The following B3GNT3 variants were observed in gnomAD, a reference collection of about 807,000 sequenced individuals.
B3GNT3 encodes N-acetyllactosaminide beta-1,3-N-acetylglucosaminyltransferase 3.
A neutral mutation model predicts 11.6 loss-of-function variants in B3GNT3; 7 were observed. The observed-to-expected ratio is 0.60, with a 90% CI of 0.34 to 1.13. The LOEUF is 1.13. Among genes scored for constraint, B3GNT3 ranks in the 50% most tolerant of loss-of-function variants. The pLI is 0.03. For missense variants in B3GNT3, 400 were observed against 507.4 expected, an observed-to-expected ratio of 0.79 and a Z score of 2.03; for synonymous variants, 201 against 222.1, an observed-to-expected ratio of 0.90 and a Z score of 0.85.
At chr19:17,796,700 C>T (rs1450624144) in intron 1 of B3GNT3, among the ~76,000 whole-genome samples, 1 of 152,178 alleles carries the variant, frequency 6.6e-6, no homozygotes, top group African/African-American at 2.4e-5. Context: ...CACTCTCACC[C>T]CTAGGGTGTG....
At chr19:17,810,037 C>A (rs1404422550) in intron 2 of B3GNT3, among the ~76,000 whole-genome samples, 1 of 152,114 alleles carries the variant, frequency 6.6e-6, no homozygotes. Context: ...AGATAGAGGA[C>A]CACTTCTGCC....
In B3GNT3 at chr19:17,812,285, C is replaced by A; in HGVS notation, c.*163C>A. 1.4e-6 allele frequency: 1 copy of A among 694,896 alleles called. No homozygotes were observed. The highest frequency in any genetic ancestry group is 2.3e-6 in the Non-Finnish European group (1 of 426,672). 43.0% of individuals were successfully genotyped at this position (694,896 alleles called of 1,614,324 possible). ...TCTGGCTGGCGAACTCCTACACATC[C>A]TTCAAAACCCACCTGGTACTGTTCC... is the stretch of plus-strand genomic sequence containing the variant. On this transcript the variant is annotated 3_prime_UTR_variant, in exon 3 of 3. Coordinates refer to ENST00000318683, the MANE Select transcript of B3GNT3 (RefSeq NM_014256.4).
intron 2 of B3GNT3, among the ~76,000 whole-genome samples, chr19:17,809,591 T>G (rs1365451926): frequency 1.3e-5 from 2 of 151,568 alleles, no homozygotes; most frequent in Non-Finnish European, 2.9e-5. Context: ...GGAATACAGG[T>G]GCATGCCACT....
At chr19:17,802,018 G>T (rs12610161) in intron 1 of B3GNT3, among the ~76,000 whole-genome samples, 2 of 152,136 alleles carry the variant, frequency 1.3e-5, no homozygotes, top group African/African-American at 4.8e-5. Context: ...AACCTGGGAA[G>T]CGGGGGTTGC....
rs2094180655 is a variant in B3GNT3 at position 17,811,520 on chromosome 19, G to A, written c.568-51G>A. 1.9e-6 allele frequency: 3 copies of A among 1,543,080 alleles called. No individual in the cohort carries two copies. Among genetic ancestry groups the A allele is most frequent in the African/African-American group, 2.7e-5 (2 of 73,150 alleles). On this transcript the variant is annotated intron_variant, in intron 2 of 2. Transcript: ENST00000318683. This position sits in a 1 kb window ranked among gnomAD's most constrained non-coding sequence, Gnocchi z 4.1. Reference sequence around the variant, plus strand: ...CTGGAGTGGCTAATAGAGACCCAAGGCCAATTTCTCCAGCCCTCAAGCAAG... The same window carrying A: ...CTGGAGTGGCTAATAGAGACCCAAGACCAATTTCTCCAGCCCTCAAGCAAG...
rs1275226032 is a variant in B3GNT3, at chr19:17,813,227, TG to T, written c.*1108del. The T allele has an allele frequency of 6.6e-6, 1 of 152,014 alleles. No individual in the cohort carries two copies. Among genetic ancestry groups the T allele is most frequent in the Non-Finnish European group, 1.5e-5 (1 of 67,970 alleles). 9.4% of individuals were successfully genotyped at this position (152,014 alleles called of 1,614,324 possible). On this transcript the variant is annotated 3_prime_UTR_variant, in exon 3 of 3. Coordinates refer to ENST00000318683, the MANE Select transcript of B3GNT3 (RefSeq NM_014256.4). ...GCTCAGGGCTGTAATTCTAGCACAT[TG>T]GGAGACCAAAGTGGGAGGATCACTT... is the stretch of plus-strand genomic sequence containing the variant.
intron 1 of B3GNT3, among the ~76,000 whole-genome samples, chr19:17,795,841 C>T (rs892685417): frequency 6.6e-6 from 1 of 152,092 alleles, no homozygotes; most frequent in Non-Finnish European, 1.5e-5. Context: ...CCACTGGGGG[C>T]CCTTGCGTGA....
Position 17,808,174 on chromosome 19 carries a change from C to T in B3GNT3, c.367C>T (p.Arg123Cys), listed in dbSNP as rs1274740420. Residue 123 changes from arginine (R) to cysteine (C), a missense_variant, in exon 2 of 3, where the codon CGC becomes TGC. Transcript: ENST00000318683. The part of the protein sequence containing the change: ...IKSSPSNYVR[R>C]ELLRRTWGRE... ...GTCCTCCCCTAGCAACTATGTGCGC[C>T]GCGAGCTGCTGCGGCGCACGTGGGG... 6.2e-7 allele frequency: 1 copy of T among 1,610,946 alleles called. No individual in the cohort carries two copies. The highest frequency in any genetic ancestry group is 8.5e-7 in the Non-Finnish European group (1 of 1,178,300).
chr19:17,807,960 T>TCCGGCCCCC lies in B3GNT3; in HGVS notation c.155_156insGGCCCCCCC (p.Pro52_Pro53insAlaProPro). 29 of 1,609,506 alleles carry TCCGGCCCCC rather than the reference T, an allele frequency of 1.8e-5. No individual in the cohort carries two copies. Among genetic ancestry groups the TCCGGCCCCC allele is most frequent in the Non-Finnish European group, 2.2e-5 (26 of 1,178,094 alleles). Reference sequence around the variant, plus strand: ...TCCCCGAGGCCCTGGCCTGGCCCACTCCACCCACCCGCCCAGCCCCGGCCC... The same window carrying TCCGGCCCCC: ...TCCCCGAGGCCCTGGCCTGGCCCACTCCGGCCCCCCCACCCACCCGCCCAGCCCCGGCCC... On this transcript the variant is annotated inframe_insertion, in exon 2 of 3. Coordinates refer to ENST00000318683, the MANE Select transcript of B3GNT3 (RefSeq NM_014256.4).
At chr19:17,808,508 C>A in intron 2 of B3GNT3, 134 bp downstream of exon 2, 1 of 980,364 alleles carries the variant, frequency 1.0e-6, no homozygotes, top group Non-Finnish European at 1.5e-6. Flanking sequence ...CTGCTGTCCT[C>A]ACCAGCCTCG....
At chr19:17,809,770 AAG>A (rs1010804748) in intron 2 of B3GNT3, among the ~76,000 whole-genome samples, 9 of 152,038 alleles carry the variant, frequency 5.9e-5, no homozygotes, top group Non-Finnish European at 1.2e-4. Flanking sequence ...TTTTTAAAAA[AAG>A]AAGCCATGAG....
In B3GNT3 at chr19:17,811,422, C is replaced by T; in HGVS notation, c.568-149C>T. 2 of 771,500 alleles carry T rather than the reference C, an allele frequency of 2.6e-6. No individual in the cohort carries two copies. The highest frequency in any genetic ancestry group is 2.7e-5 in the East Asian group (1 of 36,774). The allele number at this position is 771,500 out of a possible 1,614,324, so 47.8% of individuals were successfully genotyped here. ...TGAAACCAAGGCACAGAGAGGGTTT[C>T]CCAAGTAACCCCACAGGGCAGGGCC... On this transcript the variant is annotated intron_variant, in intron 2 of 2. Coordinates refer to ENST00000318683, the MANE Select transcript of B3GNT3 (RefSeq NM_014256.4). This position sits in a 1 kb window ranked among gnomAD's most constrained non-coding sequence, Gnocchi z 4.1.
chr19:17,799,269 CTTTT>C (rs35086710), intron 1 of B3GNT3, among the ~76,000 whole-genome samples: 2 of 117,252 alleles, frequency 1.7e-5, no homozygotes, highest in Non-Finnish European at 1.7e-5. Context: ...ACCATTCCAG[CTTTT>C]TTTTTTTTTT....
chr19:17,800,203 C>T (rs1420831464), intron 1 of B3GNT3, among the ~76,000 whole-genome samples: 3 of 151,970 alleles, frequency 2.0e-5, no homozygotes, highest in Non-Finnish European at 4.4e-5. Flanking sequence ...GCTGAAACCC[C>T]GTCTTTACTA....
rs1285667761 is a variant in B3GNT3 at position 17,812,058 on chromosome 19, T to C, written c.1055T>C (p.Leu352Pro). The C allele has an allele frequency of 6.3e-7, 1 of 1,598,988 alleles. No homozygotes were observed. Among genetic ancestry groups the C allele is most frequent in the Non-Finnish European group, 8.5e-7 (1 of 1,179,908 alleles). ...CACCGCTTCCTACCTTATGAGATGC[T>C]GCTCATGTGGGATGCGCTGAACCAG... ...LVHRFLPYEM[L>P]LMWDALNQPN... The change falls in exon 3 of 3, where the codon CTG (leucine) becomes CCG (proline). Residue 352 changes from leucine (L) to proline (P), a missense_variant. Leu to Pro is a moderately conservative substitution (Grantham distance 98). Coordinates refer to ENST00000318683, the MANE Select transcript of B3GNT3 (RefSeq NM_014256.4).
Position 17,808,282 on chromosome 19 carries a change from G to T in B3GNT3, c.475G>T (p.Val159Phe). The change falls in exon 2 of 3, where the codon GTC becomes TTC. Residue 159 changes from valine to phenylalanine, a missense_variant. Physicochemically the swap from Val to Phe is conservative, Grantham distance 50 (BLOSUM62 -1). Transcript: ENST00000318683. ...TASNPHEARK[V>F]NRLLELEAQT... ...CTCCAACCCGCACGAGGCCCGCAAG[G>T]TCAACCGGCTGCTGGAGCTGGAGGC... The T allele has an allele frequency of 6.2e-7, 1 of 1,613,562 alleles. No individual in the cohort carries two copies. Among genetic ancestry groups the T allele is most frequent in the Non-Finnish European group, 8.5e-7 (1 of 1,179,962 alleles).
chr19:17,813,283 C>T lies in B3GNT3; in HGVS notation c.*1161C>T, dbSNP rs2094183581. 6.6e-6 allele frequency among the ~76,000 whole-genome samples: 1 copy of T among 151,966 alleles called. No homozygotes were observed. ...CCAGGAGTTCTGGATCCTGTCTCTG[C>T]ACAAAATAAAAAATTACTCAGGCGT... On this transcript the variant is annotated 3_prime_UTR_variant, in exon 3 of 3. Transcript: ENST00000318683.
intron 1 of B3GNT3, among the ~76,000 whole-genome samples, chr19:17,803,285 C>A (rs539889661): frequency 6.6e-6 from 1 of 152,118 alleles, no homozygotes; most frequent in Non-Finnish European, 1.5e-5. Context: ...GGATTACAGA[C>A]GTGGGCCACA....
At chr19:17,803,232 C>A (rs145638978) in intron 1 of B3GNT3, among the ~76,000 whole-genome samples, 2,216 of 152,266 alleles carry the variant, frequency 0.015, 20 homozygotes, top group Middle Eastern at 0.027. Context: ...TCTCAAACTC[C>A]TGACCTCAGG....
Sources: allele counts gnomAD v4.1 joint callset (sites outside exome capture counted in the v4.1 genomes callset), GRCh38; gene constraint gnomAD v4.1.1; non-coding constraint Gnocchi (gnomAD v3.1); transcripts MANE v1.5; gene names NCBI Gene and HGNC (gene_info 2026-07-23, HGNC 2026-07-21).